Variants in GRIP1 observed in about 807,000 individuals in gnomAD.
GRIP1 encodes glutamate receptor interacting protein 1.
In GRIP1, 45 loss-of-function variants were observed where a neutral mutation model predicts 129.9. The observed-to-expected ratio is 0.35, with a 90% CI of 0.27 to 0.44. The LOEUF (loss-of-function observed/expected upper bound fraction) is 0.44. Ranked by LOEUF, GRIP1 falls within the 20% of genes least tolerant of loss-of-function variation. The pLI is 1.00. For synonymous variants in GRIP1, 530 were observed against 520.8 expected, an observed-to-expected ratio of 1.02 and a Z score of -0.24; for missense variants, 1,196 against 1,396.8, an observed-to-expected ratio of 0.86 and a Z score of 2.29.
Position 66,348,555 on chromosome 12 carries a change from T to G in GRIP1, c.*464A>C, listed in dbSNP as rs2054081163. On this transcript the variant is annotated 3_prime_UTR_variant, in exon 25 of 25. Coordinates refer to ENST00000359742, the MANE Select transcript of GRIP1 (RefSeq NM_001366722.1). Reference sequence around the variant, plus strand: ...GTAGTCCCAGCAGTTTACCAAACACTAGTTCCCCTAGTAGAGCCAGCCTAT... The same window carrying G: ...GTAGTCCCAGCAGTTTACCAAACACGAGTTCCCCTAGTAGAGCCAGCCTAT... 5.4e-6 allele frequency: 1 copy of G among 183,804 alleles called. No homozygotes were observed. Among genetic ancestry groups the G allele is most frequent in the Non-Finnish European group, 1.2e-5 (1 of 86,768 alleles). 11.4% of individuals were successfully genotyped at this position (183,804 alleles called of 1,614,324 possible).
intron 9 of GRIP1, among the ~76,000 whole-genome samples, chr12:66,457,897 T>C (rs2138262382): frequency 6.6e-6 from 1 of 152,324 alleles, no homozygotes; most frequent in South Asian, 2.1e-4. Context: ...ATGGAGATCA[T>C]GAAATCATCT....
chr12:66,447,358 C>T (rs1273935855), intron 11 of GRIP1, among the ~76,000 whole-genome samples: 6 of 152,190 alleles, frequency 3.9e-5, no homozygotes, highest in Non-Finnish European at 5.9e-5. Flanking sequence ...GGAAAAGTCA[C>T]TATGAATTCA....
chr12:66,817,061 T>C (rs763534622), intron 1 of GRIP1, among the ~76,000 whole-genome samples: 11 of 152,048 alleles, frequency 7.2e-5, no homozygotes, highest in Non-Finnish European at 1.5e-4. Context: ...GCCTGAGAAA[T>C]ACCAAGTCAA....
chr12:66,723,246 TCCTTCCTTCCTTCCTTCCTTCCTTC>T (rs2036131137), intron 1 of GRIP1, among the ~76,000 whole-genome samples: 1 of 7,008 alleles, frequency 1.4e-4, no homozygotes, highest in Non-Finnish European at 2.7e-4. Flanking sequence ...CTCTCTTCCT[TCCTTCCTTCCTTCCTTCCTTCCTTC>T]CTTCCTTCCT....
At chr12:66,683,875 C>G (rs995897931), upstream of GRIP1, among the ~76,000 whole-genome samples, 21 of 152,162 alleles carry the variant, frequency 1.4e-4, no homozygotes, top group African/African-American at 5.1e-4. Flanking sequence ...CAGAAATCAT[C>G]CTCCTAAGAG....
At chr12:66,702,195 T>G (rs1215701430) in intron 1 of GRIP1, among the ~76,000 whole-genome samples, 1 of 152,204 alleles carries the variant, frequency 6.6e-6, no homozygotes, top group East Asian at 1.9e-4. Context: ...TTGGCCTTAT[T>G]ATATTCATGA....
chr12:66,796,149 T>A (rs1214753286), intron 1 of GRIP1, among the ~76,000 whole-genome samples: 1 of 152,052 alleles, frequency 6.6e-6, no homozygotes, highest in Non-Finnish European at 1.5e-5. Context: ...TCTATGTGAA[T>A]AGCAACAGCA....
At chr12:66,460,969 A>C (rs552276672) in intron 9 of GRIP1, among the ~76,000 whole-genome samples, 1 of 152,334 alleles carries the variant, frequency 6.6e-6, no homozygotes, top group Non-Finnish European at 1.5e-5. Flanking sequence ...CTTGATAAGA[A>C]AGACAGTGAA....
chr12:66,347,546 A>G lies in GRIP1; in HGVS notation c.*1473T>C, dbSNP rs1028037589. 8 of 152,334 alleles carry G rather than the reference A, an allele frequency of 5.3e-5. No homozygotes were observed. The East Asian group carries it at 1.3e-3, about 26-fold the overall frequency. The allele number at this position is 152,334 out of a possible 1,614,324, so 9.4% of individuals were successfully genotyped here. A position where few individuals can be genotyped will look rare whatever the true frequency, so the allele number is the denominator to read the frequency against. The stretch of plus-strand genomic sequence containing the variant: ...AATTTTGAATTCCCCAAAACCATAC[A>G]TAGACGATAAATACCATGCTATTAA... On this transcript the variant is annotated 3_prime_UTR_variant, in exon 25 of 25. Transcript: ENST00000359742.
chr12:66,675,716 T>C (rs951070320), intron 1 of GRIP1, among the ~76,000 whole-genome samples: 3 of 152,202 alleles, frequency 2.0e-5, no homozygotes, highest in African/African-American at 4.8e-5. Flanking sequence ...GGGTAATTGG[T>C]AGACTCTCAT....
chr12:66,790,315 A>G (rs2038488792), intron 1 of GRIP1, among the ~76,000 whole-genome samples: 1 of 152,178 alleles, frequency 6.6e-6, no homozygotes, highest in South Asian at 2.1e-4. Flanking sequence ...TCATGAATAT[A>G]AGTACTATGA....
At chr12:66,798,055 GGGA>G (rs2038751771) in intron 1 of GRIP1, among the ~76,000 whole-genome samples, 1 of 152,070 alleles carries the variant, frequency 6.6e-6, no homozygotes, top group Admixed American at 6.6e-5. Context: ...CTCTTCCAAG[GGGA>G]ATGAAAAAGG....
intron 1 of GRIP1, among the ~76,000 whole-genome samples, chr12:66,635,781 T>C (rs1475057121): frequency 6.6e-6 from 1 of 152,124 alleles, no homozygotes; most frequent in Admixed American, 6.5e-5. Context: ...TAGTAAAAGA[T>C]ATAAACATAT....
intron 1 of GRIP1, among the ~76,000 whole-genome samples, chr12:66,927,007 C>T (rs924105501): frequency 3.3e-5 from 5 of 152,160 alleles, no homozygotes; most frequent in African/African-American, 4.8e-5. Flanking sequence ...TTAGGTGCTA[C>T]GCTAAGTATT....
At chr12:66,708,698 C>T (rs1050346572) in intron 1 of GRIP1, among the ~76,000 whole-genome samples, 4 of 151,486 alleles carry the variant, frequency 2.6e-5, no homozygotes, top group Non-Finnish European at 5.9e-5. Context: ...ACTTTAAGTT[C>T]TGGGGTACAT....
chr12:66,976,508 C>T (rs891224355), intron 1 of GRIP1, among the ~76,000 whole-genome samples: 1 of 152,160 alleles, frequency 6.6e-6, no homozygotes, highest in Non-Finnish European at 1.5e-5. Context: ...CATTTCACCT[C>T]CAAATGCCTT....
rs79092518 is a variant in GRIP1 at position 66,377,702 on chromosome 12, G to A, written c.2622-417C>T. The stretch of plus-strand genomic sequence containing the variant: ...TCATCTCACACGAAATATAGAAAGA[G>A]AGTCATTTTGGATCTGGCTTTCTTC... On this transcript the variant is annotated intron_variant, in intron 20 of 24. Transcript: ENST00000359742. Among the ~76,000 whole-genome samples, 1,168 of 146,262 alleles carry A rather than the reference G, an allele frequency of 8.0e-3. 18 individuals are homozygous for A. Among genetic ancestry groups the A allele is most frequent in the African/African-American group, 0.029 (1,121 of 39,120 alleles).
At chr12:67,046,868 G>GA (rs889827797) in intron 1 of GRIP1, among the ~76,000 whole-genome samples, 9 of 151,938 alleles carry the variant, frequency 5.9e-5, no homozygotes, top group East Asian at 1.9e-4. Context: ...GAGGAAAACG[G>GA]AAAAAAGCAC....
chr12:66,764,593 A>G (rs1472074181), intron 1 of GRIP1, among the ~76,000 whole-genome samples: 4 of 152,242 alleles, frequency 2.6e-5, no homozygotes. Flanking sequence ...AACCCCATCT[A>G]TGATTTGTAA....
Sources: gnomAD v4.1 joint callset for allele counts (sites outside exome capture counted in the v4.1 genomes callset) on GRCh38, gnomAD v4.1.1 for gene constraint, MANE v1.5 for transcripts, NCBI Gene and HGNC (gene_info 2026-07-23, HGNC 2026-07-21) for gene names.